Variants in ESR1 observed in about 807,000 individuals in gnomAD.
ESR1 encodes estrogen receptor 1, also known as estrogen receptor.
ESR1 carries 12 observed loss-of-function variants against 52.7 expected under a neutral mutation model. The observed-to-expected ratio is 0.23, with a 90% confidence interval of 0.15 to 0.37. ESR1 has a LOEUF of 0.37. Among genes scored for constraint, ESR1 ranks in the 10% least tolerant of loss-of-function variants. The pLI, the probability that ESR1 is intolerant of heterozygous loss-of-function variation, is 1.00. For missense variants in ESR1, 584 were observed against 779.7 expected, an observed-to-expected ratio of 0.75 and a Z score of 2.99; for synonymous variants, 305 against 316.8, an observed-to-expected ratio of 0.96 and a Z score of 0.39.
chr6:151,876,018 G>A lies in ESR1; in HGVS notation c.644-4637G>A, dbSNP rs563507459. Reference sequence around the variant, plus strand: ...GAAGGCTGGAGGCAAAGGGTCCTGCGGTGGGCTGTGGTAATGATCTGGGCT... The same window carrying A: ...GAAGGCTGGAGGCAAAGGGTCCTGCAGTGGGCTGTGGTAATGATCTGGGCT... On this transcript the variant is annotated intron_variant, in intron 2 of 7. Transcript: ENST00000206249. Among the ~76,000 whole-genome samples the A allele has an allele frequency of 6.6e-5, 10 of 152,234 alleles. No individual in the cohort carries two copies. In the East Asian group the frequency reaches 1.9e-3, roughly 29 times the overall value.
At chr6:151,917,318 G>A (rs2030478919) in intron 3 of ESR1, among the ~76,000 whole-genome samples, 1 of 152,152 alleles carries the variant, frequency 6.6e-6, no homozygotes, top group Non-Finnish European at 1.5e-5. Flanking sequence ...GCTACAGAAT[G>A]CCAACCAGTA....
At chr6:152,116,095 G>T (rs982706952) in intron 6 of ESR1, among the ~76,000 whole-genome samples, 1 of 152,162 alleles carries the variant, frequency 6.6e-6, no homozygotes. Flanking sequence ...GGCAAAGGAG[G>T]TTTTCATCTC....
chr6:151,925,824 A>AT (rs777297339), intron 3 of ESR1, among the ~76,000 whole-genome samples: 2 of 151,470 alleles, frequency 1.3e-5, no homozygotes. Flanking sequence ...CAATTTATTA[A>AT]TTTTTTTCTT....
intron 2 of ESR1, among the ~76,000 whole-genome samples, chr6:151,872,251 C>G (rs564479354): frequency 6.6e-6 from 1 of 152,172 alleles, no homozygotes; most frequent in African/African-American, 2.4e-5. Flanking sequence ...AATCTCATAT[C>G]AACAGGTTTT....
In ESR1 at chr6:151,955,115, T is replaced by C. The variant is rs2036758188; in HGVS notation, c.1096+10607T>C. On this transcript the variant is annotated intron_variant, in intron 4 of 7. Coordinates refer to ENST00000206249, the MANE Select transcript of ESR1 (RefSeq NM_000125.4). Reference sequence around the variant, plus strand: ...TCAAAGAGATCTACCTAAATAGATTTGTTTGCCTAACAAATAGCAAGACCA... The same window carrying C: ...TCAAAGAGATCTACCTAAATAGATTCGTTTGCCTAACAAATAGCAAGACCA... Among the ~76,000 whole-genome samples, 3 of 152,332 alleles carry C rather than the reference T, an allele frequency of 2.0e-5. No individual in the cohort carries two copies. The South Asian group carries it at 6.2e-4, about 32-fold the overall frequency.
intron 5 of ESR1, among the ~76,000 whole-genome samples, chr6:152,051,343 G>T (rs1050453977): frequency 6.6e-6 from 1 of 152,002 alleles, no homozygotes; most frequent in Non-Finnish European, 1.5e-5. Context: ...TCCCCAGGCT[G>T]CCCAGCACTG....
At chr6:152,057,398 A>C (rs919641559) in intron 5 of ESR1, among the ~76,000 whole-genome samples, 1 of 152,206 alleles carries the variant, frequency 6.6e-6, no homozygotes, top group African/African-American at 2.4e-5. Context: ...TAGTGGATTC[A>C]CTAAAGTGCT....
At chr6:151,837,400 G>C (rs1459417334) in intron 1 of ESR1, among the ~76,000 whole-genome samples, 1 of 152,036 alleles carries the variant, frequency 6.6e-6, no homozygotes, top group Non-Finnish European at 1.5e-5. Flanking sequence ...ACCCAGCCCA[G>C]ACATCCCTCT....
Position 152,094,279 on chromosome 6 carries a change from G to T in ESR1, c.1370-106G>T. 1.1e-6 allele frequency: 1 copy of T among 942,502 alleles called. No individual in the cohort carries two copies. The allele number at this position is 942,502 out of a possible 1,614,324, so 58.4% of individuals were successfully genotyped here. A position where few individuals can be genotyped will look rare whatever the true frequency, so the allele number is the denominator to read the frequency against. ...AGCATCCCCATTGCTAGACTACTGT[G>T]CTGAGGAAGGGCACTGGCTCATTGT... On this transcript the variant is annotated intron_variant, in intron 6 of 7. Coordinates refer to ENST00000206249, the MANE Select transcript of ESR1 (RefSeq NM_000125.4). This position sits in a 1 kb window ranked among gnomAD's most constrained non-coding sequence, Gnocchi z 4.6.
intron 5 of ESR1, among the ~76,000 whole-genome samples, chr6:152,049,305 A>G (rs2046479454): frequency 6.6e-6 from 1 of 152,232 alleles, no homozygotes; most frequent in Admixed American, 6.5e-5. Flanking sequence ...AAAAGAGGAC[A>G]TGTTAAGGCT....
intron 2 of ESR1, among the ~76,000 whole-genome samples, chr6:151,872,425 C>T (rs1791129443): frequency 6.6e-6 from 1 of 152,188 alleles, no homozygotes; most frequent in Non-Finnish European, 1.5e-5. Context: ...CTGTTGAAAA[C>T]TTCTTCACAT....
chr6:152,106,455 G>A (rs1163500039), downstream of ESR1, among the ~76,000 whole-genome samples: 1 of 152,140 alleles, frequency 6.6e-6, no homozygotes, highest in African/African-American at 2.4e-5. Flanking sequence ...TACTAGTAAC[G>A]AATTATCTTG....
chr6:151,969,786 A>G (rs1396736682), intron 4 of ESR1, among the ~76,000 whole-genome samples: 2 of 152,180 alleles, frequency 1.3e-5, no homozygotes, highest in African/African-American at 4.8e-5. Context: ...CTGGAGCTTG[A>G]TGAAATTAAA....
chr6:151,759,222 C>A (rs569074257), intron 2 of ESR1, among the ~76,000 whole-genome samples: 2 of 148,886 alleles, frequency 1.3e-5, no homozygotes, highest in African/African-American at 5.0e-5. Flanking sequence ...TTGCAGTGAG[C>A]CGAGATCATG....
At chr6:151,955,561 G>A (rs1003176471) in intron 4 of ESR1, among the ~76,000 whole-genome samples, 4 of 151,968 alleles carry the variant, frequency 2.6e-5, no homozygotes, top group African/African-American at 7.3e-5. Flanking sequence ...TAAACACATT[G>A]CAAGAAGATA....
At chr6:151,658,713 A>G (rs1489367853) in intron 1 of ESR1, among the ~76,000 whole-genome samples, 1 of 152,074 alleles carries the variant, frequency 6.6e-6, no homozygotes, top group South Asian at 2.1e-4. Context: ...AGCACCTTCT[A>G]TATTCTGGGC....
intron 1 of ESR1, among the ~76,000 whole-genome samples, chr6:151,671,646 A>C (rs1273340611): frequency 1.3e-5 from 2 of 152,160 alleles, no homozygotes; most frequent in Non-Finnish European, 2.9e-5. Context: ...ATAATGATGC[A>C]CTGTATACCT....
chr6:151,969,128 A>G (rs777779118), intron 4 of ESR1, among the ~76,000 whole-genome samples: 1 of 152,140 alleles, frequency 6.6e-6, no homozygotes, highest in Non-Finnish European at 1.5e-5. Flanking sequence ...GGTGCTTTGC[A>G]TTGGTGAACT....
chr6:151,885,306 C>G (rs1443182493), intron 3 of ESR1, among the ~76,000 whole-genome samples: 2 of 152,068 alleles, frequency 1.3e-5, no homozygotes, highest in Non-Finnish European at 2.9e-5. Context: ...CAAGATGGCT[C>G]AAATATTGAA....
Sources: gnomAD v4.1 joint callset for allele counts (sites outside exome capture counted in the v4.1 genomes callset) on GRCh38, gnomAD v4.1.1 for gene constraint, Gnocchi (gnomAD v3.1) non-coding constraint, MANE v1.5 for transcripts, NCBI Gene and HGNC (gene_info 2026-07-23, HGNC 2026-07-21) for gene names.